The following CYP2C18 variants were observed in gnomAD, a reference collection of about 807,000 sequenced individuals.
CYP2C18 encodes cytochrome P450 family 2 subfamily C member 18, also known as cytochrome P450 2C18.
In CYP2C18, 38 loss-of-function variants were observed where a neutral mutation model predicts 41.3. That is an observed-to-expected ratio of 0.92 (90% CI 0.71 to 1.21). The LOEUF is 1.21. CYP2C18 is among the 50% of genes most tolerant of loss of function. CYP2C18 has a pLI of 0.00. For missense variants in CYP2C18, 635 were observed against 591.4 expected, an observed-to-expected ratio of 1.07 and a Z score of -0.77; for synonymous variants, 236 against 210.0, an observed-to-expected ratio of 1.12 and a Z score of -1.07.
intron 1 of CYP2C18, among the ~76,000 whole-genome samples, chr10:94,684,246 A>G (rs1366735616): frequency 6.6e-6 from 1 of 152,140 alleles, no homozygotes; most frequent in East Asian, 1.9e-4. Context: ...TATACAGTAC[A>G]TTAATATTAA....
chr10:94,712,409 T>C (rs1371994762), intron 5 of CYP2C18, among the ~76,000 whole-genome samples: 2 of 152,096 alleles, frequency 1.3e-5, no homozygotes. Flanking sequence ...TCGGTTGTTT[T>C]AGATTCCACA....
intron 6 of CYP2C18, among the ~76,000 whole-genome samples, chr10:94,722,080 A>G (rs1244726576): frequency 6.6e-6 from 1 of 152,146 alleles, no homozygotes; most frequent in African/African-American, 2.4e-5. Flanking sequence ...GGGAAATACT[A>G]TTTATTGAAG....
chr10:94,730,809 G>A (rs559108080), intron 7 of CYP2C18, among the ~76,000 whole-genome samples: 3 of 152,102 alleles, frequency 2.0e-5, no homozygotes, highest in Non-Finnish European at 4.4e-5. Context: ...GCCTCTGGAA[G>A]GGATAAATGA....
intron 7 of CYP2C18, 24 bp downstream of exon 7, chr10:94,724,557 C>T (rs1468535892): frequency 2.5e-6 from 4 of 1,597,184 alleles, no homozygotes; most frequent in South Asian, 2.2e-5. Flanking sequence ...TCCTACACTA[C>T]ATCTCCATGC....
Position 94,722,754 on chromosome 10 carries a change from G to C in CYP2C18, c.962-1592G>C, listed in dbSNP as rs138227960. Among the ~76,000 whole-genome samples the C allele has an allele frequency of 1.5e-3, 227 of 152,228 alleles. No homozygotes were observed. In the East Asian group the frequency reaches 0.036, roughly 24 times the overall value. ...TCTCTAGAGAAACTGAACCTAAGAG[G>C]CTCACTCATGGACAACAGACAGAGA... On this transcript the variant is annotated intron_variant, in intron 6 of 8. Transcript: ENST00000285979.
chr10:94,719,409 TA>T (rs1467423089), intron 5 of CYP2C18, among the ~76,000 whole-genome samples: 3 of 151,090 alleles, frequency 2.0e-5, no homozygotes, highest in Non-Finnish European at 4.4e-5. Flanking sequence ...TCATCTTGAT[TA>T]TTTTTTTTTT....
chr10:94,733,760 C>A (rs890166390), intron 8 of CYP2C18: 2 of 221,042 alleles, frequency 9.0e-6, no homozygotes, highest in East Asian at 1.8e-4. Flanking sequence ...TTCTCATCTG[C>A]CATGAGAAAA....
chr10:94,720,507 CT>C lies in CYP2C18; in HGVS notation c.932del (p.Leu311ArgfsTer4), dbSNP rs1847628971. On this transcript the variant is annotated frameshift_variant, in exon 6 of 9. Transcript: ENST00000285979. LOFTEE classifies it high-confidence loss of function. ...GAGCACCACTCTGAGATATGGACTC[CT>C]GCTCCTGCTGAAGTACCCAGAGGTC... Reference protein sequence around the residue: ...TTSTTLRYGLLLLLKYPEVTA... With the variant: ...TTSTTLRYGLXLLLKYPEVTA... 1 of 1,613,154 alleles carries C rather than the reference CT, an allele frequency of 6.2e-7. No homozygotes were observed. The highest frequency in any genetic ancestry group is 1.7e-5 in the Admixed American group (1 of 59,948).
At chr10:94,722,448 A>T (rs1847663132) in intron 6 of CYP2C18, among the ~76,000 whole-genome samples, 2 of 152,306 alleles carry the variant, frequency 1.3e-5, no homozygotes, top group Admixed American at 1.3e-4. Context: ...TACTCCTGTT[A>T]AAGTTGGAGT....
intron 3 of CYP2C18, among the ~76,000 whole-genome samples, chr10:94,691,139 T>C (rs1231419289): frequency 2.6e-5 from 4 of 152,030 alleles, no homozygotes; most frequent in Non-Finnish European, 4.4e-5. Flanking sequence ...CTCTCACCAC[T>C]CCCGTTCAAC....
At chr10:94,707,895 G>A (rs1454071874) in intron 5 of CYP2C18, among the ~76,000 whole-genome samples, 1 of 152,106 alleles carries the variant, frequency 6.6e-6, no homozygotes, top group Non-Finnish European at 1.5e-5. Flanking sequence ...AGATTCAGAT[G>A]GTGAATTTGA....
chr10:94,706,917 G>A lies in CYP2C18; in HGVS notation c.776G>A (p.Ser259Asn), dbSNP rs1056526608. 6 of 1,611,388 alleles carry A rather than the reference G, an allele frequency of 3.7e-6. No individual in the cohort carries two copies. In the African/African-American group the frequency reaches 8.0e-5, roughly 22 times the overall value. ...KEHQESLDMN[S>N]ARDFIDCFLI... ...CATCAAGAATCCCTGGACATGAACA[G>A]TGCTCGGGACTTTATTGATTGTTTC... Residue 259 changes from serine (S) to asparagine (N), a missense_variant, in exon 5 of 9, where the codon AGT (serine) becomes AAT (asparagine). Transcript: ENST00000285979.
intron 7 of CYP2C18, among the ~76,000 whole-genome samples, chr10:94,731,766 T>C (rs1218190459): frequency 6.6e-6 from 1 of 152,172 alleles, no homozygotes; most frequent in Non-Finnish European, 1.5e-5. Flanking sequence ...GCTAGCCATA[T>C]GCAGAATGAA....
intron 3 of CYP2C18, among the ~76,000 whole-genome samples, chr10:94,689,574 G>A (rs990339968): frequency 6.6e-6 from 1 of 151,968 alleles, no homozygotes; most frequent in Non-Finnish European, 1.5e-5. Flanking sequence ...TATCAGTAAG[G>A]CATTGGTTCT....
intron 4 of CYP2C18, among the ~76,000 whole-genome samples, chr10:94,699,277 C>T (rs1476797136): frequency 1.3e-5 from 2 of 152,138 alleles, no homozygotes; most frequent in African/African-American, 4.8e-5. Context: ...AAAGCTTATC[C>T]ACTATGATGA....
intron 6 of CYP2C18, among the ~76,000 whole-genome samples, chr10:94,721,639 G>T (rs762768929): frequency 6.6e-6 from 1 of 152,006 alleles, no homozygotes; most frequent in Non-Finnish European, 1.5e-5. Context: ...ACTCTCCAGT[G>T]TCTATTATTC....
intron 5 of CYP2C18, among the ~76,000 whole-genome samples, chr10:94,709,166 T>A (rs1847392652): frequency 6.6e-6 from 1 of 152,188 alleles, no homozygotes. Flanking sequence ...GACCTAAATG[T>A]AAGAGCTAAA....
chr10:94,700,841 G>C (rs573352104), intron 4 of CYP2C18, among the ~76,000 whole-genome samples: 29 of 152,282 alleles, frequency 1.9e-4, no homozygotes, highest in African/African-American at 7.0e-4. Context: ...AAAGAAGACA[G>C]TTATGCAGCC....
chr10:94,712,591 T>C (rs1192356449), intron 5 of CYP2C18, among the ~76,000 whole-genome samples: 1 of 152,194 alleles, frequency 6.6e-6, no homozygotes, highest in Non-Finnish European at 1.5e-5. Context: ...ATTTATCTGT[T>C]GATGGGCACT....
Sources: allele counts gnomAD v4.1 joint callset (sites outside exome capture counted in the v4.1 genomes callset), GRCh38; gene constraint gnomAD v4.1.1; transcripts MANE v1.5; gene names NCBI Gene and HGNC (gene_info 2026-07-23, HGNC 2026-07-21).